The following SCRG1 variants were observed in gnomAD, a reference collection of about 807,000 sequenced individuals.
SCRG1 encodes scrapie-responsive protein 1.
SCRG1 carries 3 observed loss-of-function variants against 7.7 expected under a neutral mutation model. That is an observed-to-expected ratio of 0.39 (90% confidence interval 0.18 to 1.01). SCRG1 has a LOEUF of 1.01. Ranked by LOEUF, SCRG1 falls within the 50% of genes least tolerant of loss-of-function variation. The pLI is 0.36. For synonymous variants in SCRG1, 46 were observed against 41.2 expected, an observed-to-expected ratio of 1.12 and a Z score of -0.44; for missense variants, 110 against 117.2, an observed-to-expected ratio of 0.94 and a Z score of 0.28.
chr4:173,470,428 C>T, the SCRG1 span, among the ~76,000 whole-genome samples: 1 of 152,142 alleles, frequency 6.6e-6, no homozygotes, highest in Non-Finnish European at 1.5e-5. Context: ...TTCAGTCATA[C>T]TGACGTGTCA....
At chr4:173,508,224 G>A in the SCRG1 span, among the ~76,000 whole-genome samples, 1 of 152,202 alleles carries the variant, frequency 6.6e-6, no homozygotes, top group Non-Finnish European at 1.5e-5. The surrounding 1 kb of genome is among the most constrained non-coding windows in gnomAD (Gnocchi z 4.4). Context: ...GATAGCGATC[G>A]TGCTGAAAGT....
the SCRG1 span, among the ~76,000 whole-genome samples, chr4:173,462,381 A>G: frequency 3.9e-5 from 6 of 152,340 alleles, no homozygotes; most frequent in South Asian, 1.2e-3. Flanking sequence ...GAGACCTTAC[A>G]AGCCAGGAGA....
chr4:173,514,055 G>A, the SCRG1 span, among the ~76,000 whole-genome samples: 2 of 152,206 alleles, frequency 1.3e-5, no homozygotes, highest in Middle Eastern at 3.2e-3. Context: ...GTTACCTACT[G>A]AAGATATGGG....
chr4:173,473,283 T>C, the SCRG1 span, among the ~76,000 whole-genome samples: 1 of 152,134 alleles, frequency 6.6e-6, no homozygotes, highest in Non-Finnish European at 1.5e-5. Flanking sequence ...AATAAATAAA[T>C]TAGGAGGAAA....
At chr4:173,444,430 A>T in the SCRG1 span, among the ~76,000 whole-genome samples, 1 of 152,232 alleles carries the variant, frequency 6.6e-6, no homozygotes, top group African/African-American at 2.4e-5. Flanking sequence ...CAGGCACATG[A>T]TCTCTGTTAC....
the SCRG1 span, among the ~76,000 whole-genome samples, chr4:173,500,357 GCGCCCACCCCTGTT>G: frequency 6.6e-6 from 1 of 152,210 alleles, no homozygotes; most frequent in Non-Finnish European, 1.5e-5. Flanking sequence ...CCCCGGGTTC[GCGCCCACCCCTGTT>G]CGCCGGGGAG....
At chr4:173,399,988 A>C (rs541170068), upstream of SCRG1, among the ~76,000 whole-genome samples, 11 of 152,342 alleles carry the variant, frequency 7.2e-5, no homozygotes, top group East Asian at 2.1e-3. Flanking sequence ...CAAAGGTGGT[A>C]GGAGATGAAA....
At chr4:173,434,552 C>T in the SCRG1 span, among the ~76,000 whole-genome samples, 230 of 152,240 alleles carry the variant, frequency 1.5e-3, no homozygotes, top group Non-Finnish European at 2.3e-3. Context: ...ACTAAATTGC[C>T]GGGCGTGGTG....
the SCRG1 span, among the ~76,000 whole-genome samples, chr4:173,450,536 G>A: frequency 5.5e-4 from 84 of 152,226 alleles, no homozygotes; most frequent in East Asian, 0.012. Flanking sequence ...CATGCTGATA[G>A]CAAGCACTGC....
chr4:173,484,398 T>A, the SCRG1 span, among the ~76,000 whole-genome samples: 1 of 75,858 alleles, frequency 1.3e-5, no homozygotes, highest in African/African-American at 5.6e-5. Flanking sequence ...TTATACATTA[T>A]ATATTATATA....
the SCRG1 span, among the ~76,000 whole-genome samples, chr4:173,472,932 T>C: frequency 1.3e-5 from 2 of 152,222 alleles, no homozygotes; most frequent in Non-Finnish European, 2.9e-5. Flanking sequence ...TATGATTAAA[T>C]GCTAATAAAT....
chr4:173,502,464 A>C, the SCRG1 span, among the ~76,000 whole-genome samples: 2 of 152,084 alleles, frequency 1.3e-5, no homozygotes, highest in African/African-American at 4.8e-5. The surrounding 1 kb of genome is among the most constrained non-coding windows in gnomAD (Gnocchi z 4.6). Flanking sequence ...TAACTTCCTG[A>C]TCTGCAATAA....
upstream of SCRG1, among the ~76,000 whole-genome samples, chr4:173,400,015 C>G (rs951657877): frequency 1.3e-5 from 2 of 152,052 alleles, no homozygotes; most frequent in African/African-American, 4.8e-5. Flanking sequence ...AGACAAGAAG[C>G]AGCAAATTGA....
chr4:173,424,074 C>A, the SCRG1 span, among the ~76,000 whole-genome samples: 1 of 152,152 alleles, frequency 6.6e-6, no homozygotes, highest in African/African-American at 2.4e-5. Context: ...TCCCACTTGT[C>A]AATACTCTTA....
the SCRG1 span, among the ~76,000 whole-genome samples, chr4:173,452,170 C>T: frequency 3.3e-5 from 5 of 151,506 alleles, no homozygotes; most frequent in African/African-American, 1.2e-4. Context: ...CAGGAGGCAG[C>T]GGTTGCAGTG....
At chr4:173,472,990 A>G in the SCRG1 span, among the ~76,000 whole-genome samples, 1 of 152,246 alleles carries the variant, frequency 6.6e-6, no homozygotes, top group Non-Finnish European at 1.5e-5. Flanking sequence ...GTATTTGGCC[A>G]TAGAACATTT....
upstream of SCRG1, among the ~76,000 whole-genome samples, chr4:173,403,461 C>T (rs1424332783): frequency 6.6e-6 from 1 of 152,094 alleles, no homozygotes; most frequent in Non-Finnish European, 1.5e-5. Context: ...GAGTAAGGCA[C>T]CCACCTTCGT....
chr4:173,507,571 A>G, the SCRG1 span, among the ~76,000 whole-genome samples: 5 of 151,964 alleles, frequency 3.3e-5, no homozygotes, highest in African/African-American at 1.2e-4. The surrounding 1 kb of genome is among the most constrained non-coding windows in gnomAD (Gnocchi z 4.4). Context: ...ATCTGTCCCC[A>G]AGCTCTTTCT....
the SCRG1 span, among the ~76,000 whole-genome samples, chr4:173,436,463 T>C: frequency 6.6e-6 from 1 of 152,174 alleles, no homozygotes; most frequent in African/African-American, 2.4e-5. Flanking sequence ...CTCTCTTACC[T>C]AGTGCTGTCA....
Sources: allele counts gnomAD v4.1 joint callset (sites outside exome capture counted in the v4.1 genomes callset), GRCh38; gene constraint gnomAD v4.1.1; non-coding constraint Gnocchi (gnomAD v3.1); transcripts MANE v1.5; gene names NCBI Gene and HGNC (gene_info 2026-07-23, HGNC 2026-07-21).